PDCD6: variants seen among roughly 807,000 people sequenced by gnomAD.
PDCD6 encodes the protein programmed cell death protein 6.
A neutral mutation model predicts 28.3 loss-of-function variants in PDCD6; 12 were observed. The ratio of observed to expected loss-of-function variants is 0.42; its 90% CI spans 0.27 to 0.69. The LOEUF (loss-of-function observed/expected upper bound fraction) is 0.69, where lower values mean the gene tolerates loss of function less well. Among genes scored for constraint, PDCD6 ranks in the 30% least tolerant of loss-of-function variants. The pLI is 0.22. For missense variants in PDCD6, 226 were observed against 269.9 expected, an observed-to-expected ratio of 0.84 and a Z score of 1.14; for synonymous variants, 92 against 108.0, an observed-to-expected ratio of 0.85 and a Z score of 0.92.
intron 2 of PDCD6, among the ~76,000 whole-genome samples, chr5:299,695 A>G (rs541989374): frequency 1.9e-3 from 292 of 152,084 alleles, no homozygotes; most frequent in East Asian, 0.011. Context: ...GACTACAGGC[A>G]CACGCCGCCA....
chr5:306,070 G>A (rs74884843), intron 3 of PDCD6: 4,728 of 155,902 alleles, frequency 0.03, 95 homozygotes, highest in Middle Eastern at 0.05. Context: ...GAGTTAGACT[G>A]AAAGCAAATA....
At chr5:295,684 C>G (rs535416176) in intron 2 of PDCD6, among the ~76,000 whole-genome samples, 1 of 146,210 alleles carries the variant, frequency 6.8e-6, no homozygotes, top group South Asian at 2.3e-4. Context: ...GTGGGTGGTC[C>G]CTGGTGGTCA....
intron 2 of PDCD6, among the ~76,000 whole-genome samples, chr5:274,040 A>G (rs1162133570): frequency 6.6e-6 from 1 of 151,812 alleles, no homozygotes; most frequent in African/African-American, 2.4e-5. Context: ...GTAGGCTACA[A>G]TTTGGCAAAT....
intron 2 of PDCD6, among the ~76,000 whole-genome samples, chr5:284,684 T>A (rs62345243): frequency 1.1e-5 from 1 of 87,974 alleles, no homozygotes; most frequent in African/African-American, 1.1e-4. Flanking sequence ...CAGTTTGAGG[T>A]CCATGCAGCT....
At chr5:276,534 C>T in intron 2 of PDCD6, 5 of 976,338 alleles carry the variant, frequency 5.1e-6, no homozygotes, top group Non-Finnish European at 6.1e-6. Context: ...CTCCTAGGCT[C>T]AAGTGATCCT....
At chr5:280,079 G>A (rs1229122242) in intron 2 of PDCD6, among the ~76,000 whole-genome samples, 2 of 151,502 alleles carry the variant, frequency 1.3e-5, no homozygotes, top group East Asian at 1.9e-4. Context: ...GAGAGGGTTT[G>A]TGTCTGGCAC....
At chr5:298,644 C>CT (rs1319239979) in intron 2 of PDCD6, among the ~76,000 whole-genome samples, 1 of 79,902 alleles carries the variant, frequency 1.3e-5, no homozygotes, top group African/African-American at 3.9e-5. Context: ...GCTGCTCCCC[C>CT]CAGCTGCTCC....
intron 2 of PDCD6, chr5:289,870 C>A: frequency 8.6e-6 from 13 of 1,508,150 alleles, no homozygotes; most frequent in Non-Finnish European, 1.1e-5. Flanking sequence ...AAACATAACA[C>A]CATTCATTCG....
In PDCD6 at chr5:273,045, G is replaced by C. The variant is rs558778453; in HGVS notation, c.163+273G>C. On this transcript the variant is annotated intron_variant, in intron 2 of 5. Transcript: ENST00000264933. ...AAAACTAGATTGTAGGTTTAGGAGG[G>C]GAATAGGAAGCTTAGCTCTGTACAG... 2.9e-3 allele frequency: 1,355 copies of C among 459,624 alleles called. 9 individuals are homozygous for C. Among genetic ancestry groups the C allele is most frequent in the African/African-American group, 0.024 (1,027 of 43,526 alleles). The allele number at this position is 459,624 out of a possible 1,614,324, so 28.5% of individuals were successfully genotyped here.
At chr5:296,221 C>A (rs6877727) in intron 2 of PDCD6, among the ~76,000 whole-genome samples, 4 of 151,934 alleles carry the variant, frequency 2.6e-5, no homozygotes, top group Non-Finnish European at 1.5e-5. Flanking sequence ...AGTTCAACAC[C>A]AGATCTGATC....
At chr5:312,299 T>G (rs914027372) in intron 5 of PDCD6, 1 of 152,250 alleles carries the variant, frequency 6.6e-6, no homozygotes. Flanking sequence ...TGCTGCTGTT[T>G]GCAGGTGGTG....
At chr5:289,497 T>G in intron 2 of PDCD6, 1 of 720,830 alleles carries the variant, frequency 1.4e-6, no homozygotes, top group Non-Finnish European at 2.5e-6. Context: ...GTGATGCTTC[T>G]GTTTCTTCTA....
intron 2 of PDCD6, among the ~76,000 whole-genome samples, chr5:283,780 G>C (rs1481428758): frequency 1.3e-5 from 2 of 150,392 alleles, no homozygotes; most frequent in African/African-American, 4.9e-5. Flanking sequence ...TGCAGCTGCA[G>C]ACCCATAGAA....
chr5:293,216 T>C (rs1241437264), intron 2 of PDCD6, among the ~76,000 whole-genome samples: 2 of 152,026 alleles, frequency 1.3e-5, no homozygotes, highest in Non-Finnish European at 2.9e-5. Context: ...GCCCTGAAAC[T>C]CACAGGAAGA....
intron 2 of PDCD6, among the ~76,000 whole-genome samples, chr5:296,071 T>G (rs770012749): frequency 1.3e-5 from 2 of 152,146 alleles, no homozygotes; most frequent in Admixed American, 1.3e-4. Flanking sequence ...TCACACTACC[T>G]GGGAGGCCTG....
At chr5:306,784 G>A in intron 4 of PDCD6, 24 bp downstream of exon 4, 1 of 1,603,300 alleles carries the variant, frequency 6.2e-7, no homozygotes, top group South Asian at 1.1e-5. Flanking sequence ...TCTGGCTTGT[G>A]TAGCGTGTTT....
chr5:310,190 A>T (rs1330105617), intron 4 of PDCD6: 2 of 163,306 alleles, frequency 1.2e-5, no homozygotes, highest in African/African-American at 4.8e-5. Flanking sequence ...CAACTCTGCC[A>T]TCTCTTTCTG....
intron 2 of PDCD6, chr5:289,164 A>G: frequency 9.8e-7 from 1 of 1,018,532 alleles, no homozygotes; most frequent in Non-Finnish European, 1.4e-6. Flanking sequence ...CTCTAAAAAT[A>G]AGCAAATGTT....
rs1226401265 is a variant in PDCD6, at chr5:271,677, T to C, written c.-44T>C. 5.9e-6 allele frequency: 7 copies of C among 1,178,452 alleles called. No homozygotes were observed. Among genetic ancestry groups the C allele is most frequent in the Admixed American group, 2.0e-5 (1 of 50,224 alleles). 73.0% of individuals were successfully genotyped at this position (1,178,452 alleles called of 1,614,324 possible). A position where few individuals can be genotyped will look rare whatever the true frequency, so the allele number is the denominator to read the frequency against. ...GGAAGCGGAGTCGGCCTGAGAGGTC[T>C]CTCGTCGCTGCAGGCGCCTCAGCCC... is the stretch of plus-strand genomic sequence containing the variant. On this transcript the variant is annotated 5_prime_UTR_variant, in exon 1 of 6. Transcript: ENST00000264933.
Sources: allele counts gnomAD v4.1 joint callset (sites outside exome capture counted in the v4.1 genomes callset), GRCh38; gene constraint gnomAD v4.1.1; transcripts MANE v1.5; gene names NCBI Gene and HGNC (gene_info 2026-07-23, HGNC 2026-07-21).